DIAPH2: variants seen among roughly 807,000 people sequenced by gnomAD.
The protein encoded by DIAPH2 is protein diaphanous homolog 2.
A neutral mutation model predicts 92.7 loss-of-function variants in DIAPH2; 35 were observed. That is an observed-to-expected ratio of 0.38 (90% CI 0.29 to 0.50). The LOEUF is 0.50. Ranked by LOEUF, DIAPH2 falls within the 20% of genes least tolerant of loss-of-function variation. The pLI is 0.94. For missense variants in DIAPH2, 701 were observed against 819.5 expected (o/e 0.86, Z 1.77); for synonymous variants, 301 against 280.4 (o/e 1.07, Z -0.73).
intron 17 of DIAPH2, among the ~76,000 whole-genome samples, chrX:97,045,079 T>C (rs1225419001): frequency 8.9e-6 from 1 of 112,348 alleles, no homozygotes; most frequent in East Asian, 2.8e-4. Context: ...TCTTTCTCAA[T>C]TTGCTTTGTT....
intron 25 of DIAPH2, among the ~76,000 whole-genome samples, chrX:97,390,840 A>G (rs2147739591): frequency 8.9e-6 from 1 of 112,441 alleles, no homozygotes; most frequent in African/African-American, 3.2e-5. Context: ...ACCGTAAGAT[A>G]AATATCCAAA....
intron 5 of DIAPH2, among the ~76,000 whole-genome samples, chrX:96,904,236 C>G (rs1477509017): frequency 8.9e-6 from 1 of 112,107 alleles, no homozygotes; most frequent in East Asian, 2.8e-4. Context: ...TGCATTCAAA[C>G]TTTCTATGAG....
intron 23 of DIAPH2, among the ~76,000 whole-genome samples, chrX:97,256,603 A>T (rs2068238028): frequency 8.9e-6 from 1 of 112,302 alleles, no homozygotes; most frequent in African/African-American, 3.2e-5. Flanking sequence ...TATGAAAAGT[A>T]TGGCAAGTAA....
chrX:97,368,483 A>G (rs1475535906), intron 24 of DIAPH2, among the ~76,000 whole-genome samples: 2 of 112,192 alleles, frequency 1.8e-5, no homozygotes, highest in Non-Finnish European at 3.8e-5. Flanking sequence ...ATTTAAGAAA[A>G]GGAATTTTTT....
rs113619696 is a variant in DIAPH2, at chrX:97,286,361, A to T, written c.2844+38522A>T. Among the ~76,000 whole-genome samples the T allele has an allele frequency of 3.4e-3, 381 of 111,010 alleles. 5 individuals are homozygous for T. Among genetic ancestry groups the T allele is most frequent in the South Asian group, 3.5e-3 (9 of 2,605 alleles). ...ACCGCGCCTGGCCCAGAAACTATTA[A>T]TAGAATGCTACCCTCTAGCATGCTA... is the stretch of plus-strand genomic sequence containing the variant. On this transcript the variant is annotated intron_variant, in intron 23 of 26. Coordinates refer to ENST00000324765, the MANE Select transcript of DIAPH2 (RefSeq NM_006729.5).
intron 17 of DIAPH2, among the ~76,000 whole-genome samples, chrX:97,044,755 A>G (rs1354827575): frequency 1.8e-5 from 2 of 110,639 alleles, no homozygotes; most frequent in African/African-American, 3.3e-5. Flanking sequence ...CTCATAGCTC[A>G]CTCCAACTAT....
At chrX:97,391,621 T>C (rs1332289114) in intron 25 of DIAPH2, among the ~76,000 whole-genome samples, 1 of 111,201 alleles carries the variant, frequency 9.0e-6, no homozygotes, top group Non-Finnish European at 1.9e-5. Context: ...ACACTTTCCG[T>C]AAAGCTTCTA....
chrX:96,691,471 G>T (rs748693105), intron 1 of DIAPH2, among the ~76,000 whole-genome samples: 26 of 112,312 alleles, frequency 2.3e-4, no homozygotes, highest in African/African-American at 7.1e-4. Flanking sequence ...GTAATGGAGA[G>T]AAATTAACTC....
intron 17 of DIAPH2, among the ~76,000 whole-genome samples, chrX:97,062,268 C>T (rs2066604327): frequency 8.9e-6 from 1 of 111,807 alleles, no homozygotes; most frequent in Non-Finnish European, 1.9e-5. Flanking sequence ...ATAAAGAGGG[C>T]TTTCATGGGT....
At chrX:96,915,484 T>C (rs1483718776) in intron 7 of DIAPH2, among the ~76,000 whole-genome samples, 5 of 109,739 alleles carry the variant, frequency 4.6e-5, no homozygotes, top group Non-Finnish European at 9.6e-5. Flanking sequence ...ATTTAAGAGC[T>C]TTAGCTATGT....
intron 18 of DIAPH2, among the ~76,000 whole-genome samples, chrX:97,074,714 G>A (rs1017776628): frequency 8.9e-6 from 1 of 111,925 alleles, no homozygotes; most frequent in South Asian, 3.7e-4. Context: ...TGGGAGAATT[G>A]CAGAGTAGAT....
At chrX:97,269,559 A>G in intron 23 of DIAPH2, among the ~76,000 whole-genome samples, 1 of 111,605 alleles carries the variant, frequency 9.0e-6, no homozygotes, top group South Asian at 3.8e-4. Flanking sequence ...TTTGCTGCGA[A>G]AAGGAATTCT....
intron 22 of DIAPH2, among the ~76,000 whole-genome samples, chrX:97,167,048 T>G (rs2067417357): frequency 8.9e-6 from 1 of 112,074 alleles, no homozygotes; most frequent in Non-Finnish European, 1.9e-5. Flanking sequence ...CCAATTCCTC[T>G]GCCACATAGC....
rs764853980 is a variant in DIAPH2, at chrX:96,884,461, G to A, written c.587+2743G>A. On this transcript the variant is annotated intron_variant, in intron 5 of 26. Transcript: ENST00000324765. ...AATTCAGGACGTTGTACCGTGTAAT[G>A]TGAACCAGCTTCTCAGCTCTACTGT... The A allele has an allele frequency of 1.8e-5, 22 of 1,209,148 alleles. No homozygotes were observed. In the African/African-American group the frequency reaches 2.8e-4, roughly 15 times the overall value.
At chrX:97,029,574 CAT>C (rs1277797377) in intron 17 of DIAPH2, among the ~76,000 whole-genome samples, 2 of 110,980 alleles carry the variant, frequency 1.8e-5, no homozygotes, top group Non-Finnish European at 3.8e-5. Context: ...CTTTTAATGT[CAT>C]ATTTAAAAAA....
At chrX:97,522,347 A>G (rs1372240753) in intron 26 of DIAPH2, among the ~76,000 whole-genome samples, 1 of 111,504 alleles carries the variant, frequency 9.0e-6, no homozygotes, top group African/African-American at 3.3e-5. Context: ...GGGTCTCGCT[A>G]TGTTGCCCAG....
chrX:97,337,688 C>T (rs780345946), intron 23 of DIAPH2, among the ~76,000 whole-genome samples: 1 of 110,248 alleles, frequency 9.1e-6, no homozygotes, highest in Admixed American at 9.7e-5. Context: ...GTCAGAATAA[C>T]GGAAAAGGTG....
intron 4 of DIAPH2, among the ~76,000 whole-genome samples, chrX:96,833,555 TA>T (rs1331176831): frequency 1.8e-5 from 2 of 111,872 alleles, no homozygotes; most frequent in African/African-American, 6.5e-5. Flanking sequence ...TTCAGGTATT[TA>T]AAAAAATCAT....
At chrX:97,558,639 G>GTTTATCCTTGACCCCATTGT (rs2071272983) in intron 26 of DIAPH2, among the ~76,000 whole-genome samples, 1 of 111,649 alleles carries the variant, frequency 9.0e-6, no homozygotes, top group South Asian at 3.8e-4. Context: ...GAACAATTTG[G>GTTTATCCTTGACCCCATTGT]AAGAAGAAAT....
Sources: allele counts gnomAD v4.1 joint callset (sites outside exome capture counted in the v4.1 genomes callset), GRCh38; gene constraint gnomAD v4.1.1; transcripts MANE v1.5; gene names NCBI Gene and HGNC (gene_info 2026-07-23, HGNC 2026-07-21).